Variants in PATJ observed in about 807,000 individuals in gnomAD.
PATJ encodes inaD-like protein.
A neutral mutation model predicts 224.9 loss-of-function variants in PATJ; 190 were observed. The observed-to-expected ratio is 0.84, with a 90% CI of 0.75 to 0.95. The LOEUF (loss-of-function observed/expected upper bound fraction) is 0.95, where lower values mean the gene tolerates loss of function less well. Among genes scored for constraint, PATJ ranks in the 40% least tolerant of loss-of-function variants. The pLI is 0.00. For missense variants in PATJ, 2,121 were observed against 2,270.3 expected (o/e 0.93, Z 1.34); for synonymous variants, 769 against 820.3 (o/e 0.94, Z 1.07).
At chr1:61,941,567 C>T (rs1677825422) in intron 27 of PATJ, among the ~76,000 whole-genome samples, 1 of 152,140 alleles carries the variant, frequency 6.6e-6, no homozygotes, top group East Asian at 1.9e-4. Context: ...ACGAGAATTG[C>T]TTGAGCTGCG....
chr1:61,806,162 C>T (rs997412307), intron 13 of PATJ, among the ~76,000 whole-genome samples: 1 of 152,182 alleles, frequency 6.6e-6, no homozygotes, highest in Non-Finnish European at 1.5e-5. Flanking sequence ...ACAGTGTTCA[C>T]TAAATGCATT....
At chr1:62,101,263 T>TC (rs1047029735) in intron 33 of PATJ, among the ~76,000 whole-genome samples, 24 of 147,708 alleles carry the variant, frequency 1.6e-4, no homozygotes, top group African/African-American at 4.7e-4. Flanking sequence ...TCTTTTCTTT[T>TC]TTTTTTTTTT....
chr1:62,007,969 G>A (rs1263584043), intron 28 of PATJ, among the ~76,000 whole-genome samples: 2 of 152,162 alleles, frequency 1.3e-5, no homozygotes, highest in African/African-American at 4.8e-5. Flanking sequence ...CAAAAAAGTA[G>A]AATCTATTGT....
intron 41 of PATJ, among the ~76,000 whole-genome samples, chr1:62,130,372 A>T (rs181470332): frequency 2.2e-4 from 34 of 152,090 alleles, no homozygotes; most frequent in African/African-American, 8.2e-4. Flanking sequence ...CAAATTGAAA[A>T]ACCATTACAT....
intron 41 of PATJ, among the ~76,000 whole-genome samples, chr1:62,144,221 C>T (rs1667786655): frequency 6.6e-6 from 1 of 152,106 alleles, no homozygotes; most frequent in Admixed American, 6.6e-5. Context: ...GCAGTGTTTT[C>T]CCCAGAATAG....
chr1:61,873,330 G>A (rs1666900228), intron 20 of PATJ, among the ~76,000 whole-genome samples: 1 of 151,868 alleles, frequency 6.6e-6, no homozygotes, highest in Non-Finnish European at 1.5e-5. Flanking sequence ...GCTATGCCTG[G>A]CTAGTTTTTA....
intron 29 of PATJ, among the ~76,000 whole-genome samples, chr1:62,036,158 T>C (rs941526511): frequency 1.3e-5 from 2 of 152,150 alleles, no homozygotes; most frequent in Non-Finnish European, 2.9e-5. Flanking sequence ...GTTAGAAATA[T>C]GATCAGTTTT....
At chr1:61,984,790 G>A (rs963938992) in intron 27 of PATJ, among the ~76,000 whole-genome samples, 5 of 151,972 alleles carry the variant, frequency 3.3e-5, no homozygotes, top group Non-Finnish European at 7.3e-5. Flanking sequence ...AAATAAGTGG[G>A]TAACTTCAGC....
chr1:61,923,861 G>T (rs1481811303), intron 26 of PATJ, among the ~76,000 whole-genome samples: 1 of 148,468 alleles, frequency 6.7e-6, no homozygotes, highest in Non-Finnish European at 1.5e-5. Context: ...GGCGGAGGTT[G>T]TAGTGAGCTG....
intron 33 of PATJ, among the ~76,000 whole-genome samples, chr1:62,106,059 A>ATATATAT (rs1341448123): frequency 9.7e-5 from 4 of 41,178 alleles, no homozygotes; most frequent in African/African-American, 3.7e-4. Context: ...AAAAAAAAAA[A>ATATATAT]AAAAATATAT....
intron 17 of PATJ, among the ~76,000 whole-genome samples, chr1:61,836,635 A>T (rs79723092): frequency 0.015 from 2,325 of 152,348 alleles, 70 homozygotes; most frequent in African/African-American, 0.052. Flanking sequence ...CATTTAGATG[A>T]CAGGTAAACA....
chr1:62,112,540 T>C (rs1232942516), intron 34 of PATJ, among the ~76,000 whole-genome samples: 2 of 152,102 alleles, frequency 1.3e-5, no homozygotes, highest in Admixed American at 1.3e-4. Context: ...GACCATTGCT[T>C]CATTGTACAG....
At chr1:61,881,018 T>TG (rs1398634027) in intron 21 of PATJ, among the ~76,000 whole-genome samples, 2 of 152,174 alleles carry the variant, frequency 1.3e-5, no homozygotes, top group Non-Finnish European at 2.9e-5. Context: ...CGCTTGAACC[T>TG]GGGAGGCGGA....
intron 33 of PATJ, chr1:62,100,245 C>A (rs1216201079): frequency 4.9e-6 from 3 of 611,938 alleles, no homozygotes; most frequent in Non-Finnish European, 6.1e-6. Flanking sequence ...GTGTCTTACT[C>A]CATTTTCTGC....
chr1:62,124,229 C>T (rs1335526535), intron 39 of PATJ, among the ~76,000 whole-genome samples: 3 of 151,988 alleles, frequency 2.0e-5, no homozygotes, highest in Non-Finnish European at 2.9e-5. Flanking sequence ...ACTACAGGCA[C>T]ACACCACCAC....
chr1:61,999,233 C>G (rs1013104176), intron 28 of PATJ, among the ~76,000 whole-genome samples: 2 of 152,154 alleles, frequency 1.3e-5, no homozygotes, highest in African/African-American at 4.8e-5. Context: ...GTTCTCTGGG[C>G]CTCCATTTCC....
At chr1:61,805,090 A>G (rs1653262445) in intron 12 of PATJ, among the ~76,000 whole-genome samples, 2 of 152,222 alleles carry the variant, frequency 1.3e-5, no homozygotes, top group African/African-American at 4.8e-5. Context: ...GTCCTAATGT[A>G]TTATAAAGCA....
Position 61,895,917 on chromosome 1 carries a change from G to T in PATJ, c.3132-3666G>T, listed in dbSNP as rs181205846. Reference sequence around the variant, plus strand: ...CTTGCAGAGCCACAGGGACAGAGCTGCCCAAGGCCTTGGGAGTCCACCCCT... The same window carrying T: ...CTTGCAGAGCCACAGGGACAGAGCTTCCCAAGGCCTTGGGAGTCCACCCCT... On this transcript the variant is annotated intron_variant, in intron 22 of 43. Transcript: ENST00000642238. Among the ~76,000 whole-genome samples, 1,391 of 152,360 alleles carry T rather than the reference G, an allele frequency of 9.1e-3. 6 individuals are homozygous for T. The highest frequency in any genetic ancestry group is 0.013 in the Non-Finnish European group (902 of 68,040).
chr1:61,963,000 A>G (rs1348651846), intron 27 of PATJ, among the ~76,000 whole-genome samples: 1 of 152,238 alleles, frequency 6.6e-6, no homozygotes, highest in African/African-American at 2.4e-5. Context: ...TCCAGAGTTT[A>G]GTTACACAAA....
Sources: allele counts gnomAD v4.1 joint callset (sites outside exome capture counted in the v4.1 genomes callset), GRCh38; gene constraint gnomAD v4.1.1; transcripts MANE v1.5; gene names NCBI Gene and HGNC (gene_info 2026-07-23, HGNC 2026-07-21).